The following GNAS variants were observed in gnomAD, a reference collection of about 807,000 sequenced individuals.
GNAS encodes GNAS complex locus, also known as protein ALEX.
A neutral mutation model predicts 54.5 loss-of-function variants in GNAS; 8 were observed. The ratio of observed to expected loss-of-function variants is 0.15; its 90% CI spans 0.09 to 0.26. GNAS has a LOEUF of 0.26. GNAS is among the 10% of genes least tolerant of loss of function. The pLI is 1.00. For synonymous variants in GNAS, 204 were observed against 191.4 expected (o/e 1.07, Z -0.54); for missense variants, 170 against 529.8 (o/e 0.32, Z 6.67).
At chr20:58,862,099 C>G (rs1253787800) in intron 1 of GNAS, among the ~76,000 whole-genome samples, 1 of 152,114 alleles carries the variant, frequency 6.6e-6, no homozygotes, top group South Asian at 2.1e-4. Flanking sequence ...ACATGTTCAA[C>G]CCAGTGCTTG....
At chr20:58,900,031 G>A in intron 3 of GNAS, 1 of 690,640 alleles carries the variant, frequency 1.4e-6, no homozygotes, top group Non-Finnish European at 2.7e-6. Flanking sequence ...GAATTGCTCG[G>A]TCTTAGGAAC....
chr20:58,871,647 A>AC (rs397813013), intron 1 of GNAS, among the ~76,000 whole-genome samples: 3 of 140,958 alleles, frequency 2.1e-5, no homozygotes, highest in Admixed American at 7.3e-5. Context: ...CAAAAAAAAA[A>AC]CCAAAAAAAT....
At chr20:58,878,464 A>G (rs73307939) in intron 1 of GNAS, among the ~76,000 whole-genome samples, 1 of 152,230 alleles carries the variant, frequency 6.6e-6, no homozygotes, top group Non-Finnish European at 1.5e-5. Flanking sequence ...AAACAACTTT[A>G]CTTCTTACAT....
At chr20:58,889,127 G>A (rs1211429098), upstream of GNAS, 5 of 1,193,344 alleles carry the variant, frequency 4.2e-6, no homozygotes, top group African/African-American at 4.9e-5. Context: ...CTCTGAAGAG[G>A]CTGGGGCGTC....
In GNAS at chr20:58,898,762, G is replaced by A. The variant is rs1218234615; in HGVS notation, c.213-179G>A. 11 of 702,920 alleles carry A rather than the reference G, an allele frequency of 1.6e-5. 1 individual carries two copies. Among genetic ancestry groups the A allele is most frequent in the Non-Finnish European group, 2.9e-5 (11 of 384,392 alleles). The allele number at this position is 702,920 out of a possible 1,614,324, so 43.5% of individuals were successfully genotyped here. A position where few individuals can be genotyped will look rare whatever the true frequency, so the allele number is the denominator to read the frequency against. ...TTCCCCCATGGCCTGCAGTCTCAGT[G>A]GATGTTCCAATTTAGCCAGAAAGGC... On this transcript the variant is annotated intron_variant, in intron 2 of 12. Coordinates refer to ENST00000371085, the MANE Select transcript of GNAS (RefSeq NM_000516.7).
At chr20:58,887,076 G>C (rs1490965963), upstream of GNAS, among the ~76,000 whole-genome samples, 1 of 152,220 alleles carries the variant, frequency 6.6e-6, no homozygotes, top group African/African-American at 2.4e-5. Flanking sequence ...TCCTTTTAAA[G>C]TTCAGGTGTG....
intron 1 of GNAS, among the ~76,000 whole-genome samples, chr20:58,885,494 C>T (rs894086092): frequency 2.6e-5 from 4 of 152,060 alleles, no homozygotes; most frequent in Admixed American, 6.6e-5. Flanking sequence ...TGTCATATGG[C>T]CATGTAGTTA....
intron 1 of GNAS, among the ~76,000 whole-genome samples, chr20:58,878,786 G>A (rs112015971): frequency 0.049 from 7,440 of 152,154 alleles, 259 homozygotes; most frequent in Non-Finnish European, 0.072. Context: ...ATTAGGGTCC[G>A]GCAGTTCTGT....
chr20:58,906,665 G>GGGAC (rs1357216829), intron 6 of GNAS, among the ~76,000 whole-genome samples: 2 of 152,084 alleles, frequency 1.3e-5, no homozygotes, highest in Non-Finnish European at 2.9e-5. Context: ...CCGAGTAGCT[G>GGGAC]GGACTACAGG....
At chr20:58,855,611 C>G (rs1411429181) in intron 1 of GNAS, 2 of 717,264 alleles carry the variant, frequency 2.8e-6, no homozygotes, top group South Asian at 3.0e-5. Flanking sequence ...AGGCCAGCGC[C>G]AGCAACCGTA....
intron 5 of GNAS, among the ~76,000 whole-genome samples, chr20:58,904,408 C>T (rs1601123059): frequency 6.6e-6 from 1 of 152,058 alleles, no homozygotes; most frequent in Non-Finnish European, 1.5e-5. Flanking sequence ...TAAAATAGAA[C>T]ATATGGAAAA....
intron 3 of GNAS, 188 bp from the exon 4 acceptor site, chr20:58,903,343 G>A (rs2090800895): frequency 1.5e-6 from 1 of 686,580 alleles, no homozygotes; most frequent in African/African-American, 1.8e-5. Flanking sequence ...GTGTCCTCAG[G>A]GCACATTTGG....
In GNAS at chr20:58,855,057, C is replaced by T. The variant is rs1048901957; in HGVS notation, c.43+14171C>T. Reference sequence around the variant, plus strand: ...CCGCTGGTTTCAGCATCGGCGAAATCGCCGCCGCCGAAAGCCCCAGCGCAA... The same window carrying T: ...CCGCTGGTTTCAGCATCGGCGAAATTGCCGCCGCCGAAAGCCCCAGCGCAA... On this transcript the variant is annotated intron_variant, in intron 1 of 12. Transcript: ENST00000306090. 1.4e-5 allele frequency: 23 copies of T among 1,613,046 alleles called. No individual in the cohort carries two copies. The highest frequency in any genetic ancestry group is 1.8e-5 in the Non-Finnish European group (21 of 1,179,898).
intron 1 of GNAS, chr20:58,855,586 C>G (rs569588203): frequency 1.4e-4 from 99 of 717,250 alleles, no homozygotes; most frequent in Non-Finnish European, 2.3e-4. Context: ...CACTGAGGGT[C>G]GTTTCCGGCT....
chr20:58,848,432 A>G (rs1320128971), intron 1 of GNAS, among the ~76,000 whole-genome samples: 1 of 152,004 alleles, frequency 6.6e-6, no homozygotes, highest in Admixed American at 6.6e-5. Flanking sequence ...ACATTAATAG[A>G]CTTTCCTTCC....
chr20:58,878,912 T>TGGGGGGGGGGGGGGGGGGGGGGG (rs11086659), intron 1 of GNAS, among the ~76,000 whole-genome samples: 9 of 95,390 alleles, frequency 9.4e-5, no homozygotes, highest in Admixed American at 3.4e-4. Flanking sequence ...GGGGTGCGGG[T>TGGGGGGGGGGGGGGGGGGGGGGG]GGGGGGGGGA....
chr20:58,894,130 A>C (rs1427180155), intron 1 of GNAS, among the ~76,000 whole-genome samples: 4 of 152,260 alleles, frequency 2.6e-5, no homozygotes, highest in Non-Finnish European at 5.9e-5. Flanking sequence ...ATAAAAATTA[A>C]GTGAATTAGA....
Position 58,895,131 on chromosome 20 carries a change from G to T in GNAS, c.140-481G>T, listed in dbSNP as rs1019154731. 4 of 247,974 alleles carry T rather than the reference G, an allele frequency of 1.6e-5. No individual in the cohort carries two copies. The Admixed American group carries it at 2.1e-4, about 13-fold the overall frequency. The allele number at this position is 247,974 out of a possible 1,614,324, so 15.4% of individuals were successfully genotyped here. A position where few individuals can be genotyped will look rare whatever the true frequency, so the allele number is the denominator to read the frequency against. On this transcript the variant is annotated intron_variant, in intron 1 of 12. Transcript: ENST00000371085. ...CTGCATCGCTACGTGATGTGGAAGA[G>T]ACTGCAGTGTCTGGGCATTGTTGGG...
upstream of GNAS, chr20:58,890,729 G>T (rs1448999882): frequency 6.6e-6 from 1 of 152,102 alleles, no homozygotes; most frequent in African/African-American, 2.4e-5. Context: ...GCGAGGAGCG[G>T]CTCATCTAGT....
Sources: allele counts gnomAD v4.1 joint callset (sites outside exome capture counted in the v4.1 genomes callset), GRCh38; gene constraint gnomAD v4.1.1; transcripts MANE v1.5; gene names NCBI Gene and HGNC (gene_info 2026-07-23, HGNC 2026-07-21).